RGS6: variants seen among roughly 807,000 people sequenced by gnomAD.
RGS6 encodes regulator of G protein signaling 6, also known as regulator of G-protein signaling 6.
A neutral mutation model predicts 78.5 loss-of-function variants in RGS6; 30 were observed. The ratio of observed to expected loss-of-function variants is 0.38; its 90% CI spans 0.29 to 0.52. The LOEUF (loss-of-function observed/expected upper bound fraction) is 0.52. RGS6 is among the 20% of genes least tolerant of loss of function. RGS6 has a pLI of 0.85. For synonymous variants in RGS6, 206 were observed against 206.0 expected (o/e 1.00, Z 0.00); for missense variants, 495 against 609.7 (o/e 0.81, Z 1.98).
chr14:72,039,111 G>A (rs1406517256), intron 2 of RGS6, among the ~76,000 whole-genome samples: 3 of 152,180 alleles, frequency 2.0e-5, no homozygotes, highest in African/African-American at 7.2e-5. Flanking sequence ...CATGTCAAAA[G>A]AGGGAGTAGA....
intron 2 of RGS6, among the ~76,000 whole-genome samples, chr14:71,967,258 T>G (rs957981580): frequency 1.1e-4 from 16 of 151,812 alleles, no homozygotes; most frequent in Non-Finnish European, 2.2e-4. Context: ...GACATTGAAT[T>G]GGTTCAGTCT....
chr14:72,330,092 G>A (rs539952476), intron 2 of RGS6, among the ~76,000 whole-genome samples: 31 of 152,350 alleles, frequency 2.0e-4, no homozygotes, highest in South Asian at 6.2e-4. Flanking sequence ...GATTGTAGAA[G>A]CAAATATTTC....
At chr14:71,969,624 T>A (rs1458790176) in intron 2 of RGS6, among the ~76,000 whole-genome samples, 1 of 152,226 alleles carries the variant, frequency 6.6e-6, no homozygotes, top group Non-Finnish European at 1.5e-5. Flanking sequence ...CCTTCTTCAT[T>A]CTTTTCCTCC....
intron 3 of RGS6, among the ~76,000 whole-genome samples, chr14:72,426,099 ATGT>A (rs1244342245): frequency 6.6e-6 from 1 of 152,160 alleles, no homozygotes; most frequent in Non-Finnish European, 1.5e-5. Context: ...TATAATATTT[ATGT>A]TAATTTTTGT....
chr14:72,583,350 T>C, the RGS6 span, among the ~76,000 whole-genome samples: 1 of 152,232 alleles, frequency 6.6e-6, no homozygotes, highest in East Asian at 1.9e-4. Flanking sequence ...TCTGGATCAA[T>C]GATAGCTAGC....
chr14:72,232,916 C>T (rs1037681205), intron 2 of RGS6, among the ~76,000 whole-genome samples: 29 of 152,274 alleles, frequency 1.9e-4, no homozygotes, highest in African/African-American at 5.1e-4. Flanking sequence ...GCAGCCTGTA[C>T]GCTTCCTGGG....
downstream of RGS6, among the ~76,000 whole-genome samples, chr14:72,570,762 T>TC (rs2097719346): frequency 6.6e-6 from 1 of 152,100 alleles, no homozygotes; most frequent in Non-Finnish European, 1.5e-5. Context: ...GACCCAGGGG[T>TC]CCCCTCAGCG....
At chr14:72,420,843 A>G (rs1488111076) in intron 3 of RGS6, 2 of 152,230 alleles carry the variant, frequency 1.3e-5, no homozygotes, top group African/African-American at 4.8e-5. Context: ...AAAAGAAATC[A>G]AAAATCAATA....
downstream of RGS6, among the ~76,000 whole-genome samples, chr14:72,567,796 TC>T (rs1353731925): frequency 6.6e-6 from 1 of 152,166 alleles, no homozygotes; most frequent in African/African-American, 2.4e-5. Flanking sequence ...CCCACAGAGC[TC>T]TGCCCAGCAG....
At chr14:71,900,526 A>G in the RGS6 span, among the ~76,000 whole-genome samples, 1 of 152,148 alleles carries the variant, frequency 6.6e-6, no homozygotes, top group Non-Finnish European at 1.5e-5. Flanking sequence ...GCAGGGAATG[A>G]CTGTCATTCC....
At chr14:72,500,130 A>T (rs778676804) in intron 13 of RGS6, among the ~76,000 whole-genome samples, 2 of 152,232 alleles carry the variant, frequency 1.3e-5, no homozygotes, top group Non-Finnish European at 2.9e-5. Flanking sequence ...CGCATGGCCT[A>T]TTGGTTTATT....
intron 1 of RGS6, among the ~76,000 whole-genome samples, chr14:71,939,155 C>T (rs1163763953): frequency 1.3e-5 from 2 of 152,158 alleles, no homozygotes; most frequent in African/African-American, 4.8e-5. Context: ...GAATGTGTTG[C>T]CTCCAAAATC....
At chr14:72,219,007 T>C (rs2046254277) in intron 2 of RGS6, among the ~76,000 whole-genome samples, 1 of 151,808 alleles carries the variant, frequency 6.6e-6, no homozygotes, top group Admixed American at 6.6e-5. Flanking sequence ...ATGGACTTTC[T>C]CTATCAGGCA....
At chr14:72,147,932 C>G (rs181161224) in intron 2 of RGS6, among the ~76,000 whole-genome samples, 5 of 152,050 alleles carry the variant, frequency 3.3e-5, no homozygotes, top group African/African-American at 9.7e-5. Flanking sequence ...GAGATTGAGA[C>G]CATCCTGGCT....
rs546040597 is a variant in RGS6, at chr14:72,078,570, C to T, written c.84+113695C>T. 6.1e-4 allele frequency among the ~76,000 whole-genome samples: 93 copies of T among 152,216 alleles called. 1 individual carries two copies. The highest frequency in any genetic ancestry group is 6.8e-3 in the Middle Eastern group (2 of 294). On this transcript the variant is annotated intron_variant, in intron 2 of 17. Transcript: ENST00000553525. Reference sequence around the variant, plus strand: ...CTGGGATTACAGGCGCCCGTCACCACGCCTAGCTAATTTTTGTATTTTTTT... The same window carrying T: ...CTGGGATTACAGGCGCCCGTCACCATGCCTAGCTAATTTTTGTATTTTTTT...
chr14:72,562,532 A>T lies in RGS6; in HGVS notation c.*65A>T. 1 of 1,600,130 alleles carries T rather than the reference A, an allele frequency of 6.2e-7. No individual in the cohort carries two copies. Reference sequence around the variant, plus strand: ...CCACAGGCAGGCGGCGGCGCTCCACATCTGCGGACAGAGTTTCCTTACGAG... The same window carrying T: ...CCACAGGCAGGCGGCGGCGCTCCACTTCTGCGGACAGAGTTTCCTTACGAG... On this transcript the variant is annotated 3_prime_UTR_variant, in exon 18 of 18. Coordinates refer to ENST00000553525, the MANE Select transcript of RGS6 (RefSeq NM_001204424.2).
chr14:72,271,443 G>A (rs935313437), intron 2 of RGS6, among the ~76,000 whole-genome samples: 4 of 152,148 alleles, frequency 2.6e-5, no homozygotes, highest in South Asian at 4.1e-4. Flanking sequence ...GTCCCTCCAC[G>A]ACACATGGGA....
intron 2 of RGS6, among the ~76,000 whole-genome samples, chr14:72,040,420 G>A (rs561662978): frequency 6.6e-6 from 1 of 151,462 alleles, no homozygotes; most frequent in South Asian, 2.1e-4. Context: ...CTTTTAGCAT[G>A]TTGAGTATAT....
downstream of RGS6, among the ~76,000 whole-genome samples, chr14:72,570,021 T>A (rs1354959814): frequency 6.6e-6 from 1 of 152,190 alleles, no homozygotes; most frequent in Non-Finnish European, 1.5e-5. Flanking sequence ...ACCCACACAT[T>A]GAAGAGAATG....
Sources: allele counts gnomAD v4.1 joint callset (sites outside exome capture counted in the v4.1 genomes callset), GRCh38; gene constraint gnomAD v4.1.1; transcripts MANE v1.5; gene names NCBI Gene and HGNC (gene_info 2026-07-23, HGNC 2026-07-21).